The following CDH20 variants were observed in gnomAD, a reference collection of about 807,000 sequenced individuals.
CDH20 encodes cadherin 20.
A neutral mutation model predicts 74.2 loss-of-function variants in CDH20; 29 were observed. That is an observed-to-expected ratio of 0.39 (90% CI 0.29 to 0.53). The LOEUF (loss-of-function observed/expected upper bound fraction) is 0.53, where lower values mean the gene tolerates loss of function less well. Ranked by LOEUF, CDH20 falls within the 20% of genes least tolerant of loss-of-function variation. CDH20 has a pLI of 0.69. For synonymous variants in CDH20, 469 were observed against 405.4 expected (o/e 1.16, Z -1.88); for missense variants, 988 against 1,048.3 (o/e 0.94, Z 0.79).
At chr18:61,356,801 G>A (rs1229756616) in intron 1 of CDH20, among the ~76,000 whole-genome samples, 1 of 152,120 alleles carries the variant, frequency 6.6e-6, no homozygotes, top group African/African-American at 2.4e-5. Context: ...CAATGATGAG[G>A]ATAATCTAGA....
intron 6 of CDH20, 31 bp downstream of exon 6, chr18:61,507,591 C>A (rs754963119): frequency 6.7e-7 from 1 of 1,502,264 alleles, no homozygotes; most frequent in Non-Finnish European, 9.2e-7. Context: ...AAACCACTTT[C>A]ATGGGTGCTT....
intron 1 of CDH20, among the ~76,000 whole-genome samples, chr18:61,452,562 A>G (rs558543362): frequency 2.6e-5 from 4 of 152,326 alleles, no homozygotes; most frequent in African/African-American, 9.6e-5. Flanking sequence ...CAGTAAAAGC[A>G]TGAATGTATT....
intron 6 of CDH20, among the ~76,000 whole-genome samples, chr18:61,508,773 A>G (rs1017509455): frequency 6.6e-6 from 1 of 152,094 alleles, no homozygotes; most frequent in African/African-American, 2.4e-5. Context: ...AGTAGCTGGG[A>G]CTACAGGGGC....
chr18:61,554,555 G>C lies in CDH20; in HGVS notation c.2266G>C (p.Val756Leu). Residue 756 changes from valine (V) to leucine (L), a missense_variant, in exon 12 of 12, where the codon GTG (valine) becomes CTG (leucine). By Grantham distance (32) the Val-to-Leu change is conservative. Around this residue, in one of 2 missense-constraint regions of CDH20, gnomAD observed 375 missense variants for 293.1 expected, o/e 1.28. Coordinates refer to ENST00000262717, the MANE Select transcript of CDH20 (RefSeq NM_031891.4). ...GTATATGTTCGAGGGGGACGGCTCT[G>C]TGGCGGGGTCGCTGAGCTCCCTGCA... ...QTYMFEGDGSVAGSLSSLQSA... is the reference protein window; with the variant it reads ...QTYMFEGDGSLAGSLSSLQSA... 6.2e-7 allele frequency: 1 copy of C among 1,611,030 alleles called. No individual in the cohort carries two copies. Among genetic ancestry groups the C allele is most frequent in the Non-Finnish European group, 8.5e-7 (1 of 1,178,910 alleles).
rs573170114 is a variant in CDH20, at chr18:61,500,266, G to A, written c.542-117G>A. 131 of 1,007,194 alleles carry A rather than the reference G, an allele frequency of 1.3e-4. 1 individual carries two copies. In the Middle Eastern group the frequency reaches 2.4e-3, roughly 18 times the overall value. The allele number at this position is 1,007,194 out of a possible 1,614,324, so 62.4% of individuals were successfully genotyped here. A position where few individuals can be genotyped will look rare whatever the true frequency, so the allele number is the denominator to read the frequency against. ...GAGTTATGGAAGCTTGACCTAGAAA[G>A]GGGACTCTCCCAATGAAGCAAACAC... On this transcript the variant is annotated intron_variant, in intron 3 of 11. Transcript: ENST00000262717.
intron 1 of CDH20, chr18:61,405,305 G>A (rs1177787238): frequency 3.5e-6 from 1 of 285,582 alleles, no homozygotes; most frequent in Non-Finnish European, 6.6e-6. Context: ...GACTGATATA[G>A]GGTTGGGTTT....
chr18:61,369,712 C>T (rs908175049), intron 1 of CDH20, among the ~76,000 whole-genome samples: 3 of 152,228 alleles, frequency 2.0e-5, no homozygotes, highest in South Asian at 2.1e-4. Flanking sequence ...GGAACATATA[C>T]ACCATGAAAT....
chr18:61,337,079 C>T (rs1319183320), intron 1 of CDH20, among the ~76,000 whole-genome samples: 1 of 152,194 alleles, frequency 6.6e-6, no homozygotes, highest in Non-Finnish European at 1.5e-5. Flanking sequence ...TCTGGTGGTG[C>T]TGCCATCAGT....
At chr18:61,391,486 G>T (rs1382802286) in intron 1 of CDH20, 1 of 152,082 alleles carries the variant, frequency 6.6e-6, no homozygotes, top group Admixed American at 6.6e-5. Flanking sequence ...TTGAAAAAAA[G>T]TCCATCGGTA....
intron 1 of CDH20, among the ~76,000 whole-genome samples, chr18:61,470,999 A>G (rs1302684809): frequency 6.6e-6 from 1 of 152,168 alleles, no homozygotes; most frequent in Non-Finnish European, 1.5e-5. Flanking sequence ...TTTTTCTGAA[A>G]CATGTAACTT....
At chr18:61,548,364 G>C (rs1913323546) in intron 10 of CDH20, among the ~76,000 whole-genome samples, 1 of 152,174 alleles carries the variant, frequency 6.6e-6, no homozygotes, top group African/African-American at 2.4e-5. Flanking sequence ...TACTAACTAG[G>C]TTAGTGGCTT....
At chr18:61,433,287 C>G (rs1908718770) in intron 1 of CDH20, among the ~76,000 whole-genome samples, 1 of 152,090 alleles carries the variant, frequency 6.6e-6, no homozygotes, top group South Asian at 2.1e-4. Context: ...TCAAACATCT[C>G]AGTAGGGGCA....
chr18:61,375,817 C>A (rs547463770), intron 1 of CDH20, among the ~76,000 whole-genome samples: 5 of 152,070 alleles, frequency 3.3e-5, no homozygotes, highest in East Asian at 1.9e-4. Context: ...CCAGAACAAC[C>A]ATTTCACTAC....
chr18:61,553,399 GA>G, intron 11 of CDH20, among the ~76,000 whole-genome samples: 1 of 152,254 alleles, frequency 6.6e-6, no homozygotes, highest in Middle Eastern at 3.4e-3. Context: ...TTCTAGGGGG[GA>G]AAAATGCATT....
rs576423685 is a variant in CDH20 at position 61,550,203 on chromosome 18, T to C, written c.1874T>C (p.Ile625Thr). 1 of 1,613,842 alleles carries C rather than the reference T, an allele frequency of 6.2e-7. No individual in the cohort carries two copies. The highest frequency in any genetic ancestry group is 1.7e-5 in the Admixed American group (1 of 60,028). ...VSLSRGALIA[I>T]LACIFVLLVL... ...TTGAGCCGGGGCGCCCTCATTGCCA[T>C]CCTCGCCTGCATCTTTGTCCTCTTA... Residue 625 changes from isoleucine (I) to threonine (T), a missense_variant, in exon 11 of 12, where the codon ATC becomes ACC. Transcript: ENST00000262717.
At chr18:61,345,093 G>A (rs1047330952) in intron 1 of CDH20, among the ~76,000 whole-genome samples, 1 of 152,160 alleles carries the variant, frequency 6.6e-6, no homozygotes, top group Admixed American at 6.5e-5. Flanking sequence ...ATTAAATCGG[G>A]TGACTTCCTG....
At chr18:61,508,245 A>C (rs1389509632) in intron 6 of CDH20, among the ~76,000 whole-genome samples, 2 of 152,232 alleles carry the variant, frequency 1.3e-5, no homozygotes, top group Admixed American at 1.3e-4. Flanking sequence ...TTCTCAACAA[A>C]TTTATTGAGT....
intron 1 of CDH20, among the ~76,000 whole-genome samples, chr18:61,476,831 G>A (rs60703644): frequency 0.013 from 1,917 of 152,226 alleles, 44 homozygotes; most frequent in African/African-American, 0.044. Context: ...TTTGTCTTGG[G>A]CCATTTGGGA....
chr18:61,501,186 G>C (rs1279178359), intron 4 of CDH20, among the ~76,000 whole-genome samples: 3 of 152,190 alleles, frequency 2.0e-5, no homozygotes, highest in Non-Finnish European at 2.9e-5. Context: ...GAACTGAATG[G>C]GCGAGGAGCA....
Sources: gnomAD v4.1 joint callset for allele counts (sites outside exome capture counted in the v4.1 genomes callset) on GRCh38, gnomAD v4.1.1 for gene constraint, gnomAD v4.1.1 regional missense constraint, MANE v1.5 for transcripts, NCBI Gene and HGNC (gene_info 2026-07-23, HGNC 2026-07-21) for gene names.